Variants in PLEKHG1 observed in about 807,000 individuals in gnomAD.
The protein encoded by PLEKHG1 is pleckstrin homology and RhoGEF domain containing G1, also known as pleckstrin homology domain-containing family G member 1.
PLEKHG1 carries 44 observed loss-of-function variants against 100.8 expected under a neutral mutation model. The ratio of observed to expected loss-of-function variants is 0.44; its 90% CI spans 0.34 to 0.56. The LOEUF (loss-of-function observed/expected upper bound fraction) is 0.56. Ranked by LOEUF, PLEKHG1 falls within the 20% of genes least tolerant of loss-of-function variation. The pLI is 0.01. For synonymous variants in PLEKHG1, 640 were observed against 662.5 expected (o/e 0.97, Z 0.52); for missense variants, 1,545 against 1,720.9 (o/e 0.90, Z 1.81).
chr6:150,704,701 A>C (rs1217374768), intron 3 of PLEKHG1, among the ~76,000 whole-genome samples: 1 of 152,252 alleles, frequency 6.6e-6, no homozygotes, highest in Non-Finnish European at 1.5e-5. Flanking sequence ...AATCTTGCTG[A>C]TGATGATTGT....
At chr6:150,663,605 G>T (rs113397083) in intron 3 of PLEKHG1, 1 of 148,120 alleles carries the variant, frequency 6.8e-6, no homozygotes, top group South Asian at 2.2e-4. Flanking sequence ...CCAGGCTGGA[G>T]TACAGTGGCA....
chr6:150,618,924 T>A lies in PLEKHG1; in HGVS notation c.-204+18907T>A, dbSNP rs182503772. The stretch of plus-strand genomic sequence containing the variant: ...CAAGACCCTGTCTCTATAAAGAAAA[T>A]TTTTTTTAAATTATTTGGGCATGGT... On this transcript the variant is annotated intron_variant, in intron 1 of 3. Coordinates refer to the PLEKHG1 transcript ENST00000367326. 6.1e-4 allele frequency among the ~76,000 whole-genome samples: 92 copies of A among 151,858 alleles called. 1 individual carries two copies. The highest frequency in any genetic ancestry group is 6.3e-4 in the South Asian group (3 of 4,788).
intron 1 of PLEKHG1, among the ~76,000 whole-genome samples, chr6:150,619,502 T>C (rs1021663042): frequency 2.6e-5 from 4 of 152,202 alleles, no homozygotes; most frequent in African/African-American, 9.6e-5. Flanking sequence ...CAACTGGTCA[T>C]AGATGTTTTT....
At chr6:150,716,524 CT>C (rs1449925698), upstream of PLEKHG1, among the ~76,000 whole-genome samples, 1 of 152,236 alleles carries the variant, frequency 6.6e-6, no homozygotes, top group East Asian at 1.9e-4. Flanking sequence ...CCCTTTCCTT[CT>C]TCCTTGCCCA....
At chr6:150,813,559 A>G (rs986798884) in intron 10 of PLEKHG1, among the ~76,000 whole-genome samples, 1 of 152,138 alleles carries the variant, frequency 6.6e-6, no homozygotes, top group African/African-American at 2.4e-5. Context: ...ACGCAGTTGC[A>G]GTAATTGGGC....
intron 3 of PLEKHG1, among the ~76,000 whole-genome samples, chr6:150,699,730 A>G (rs1780690452): frequency 2.0e-5 from 3 of 152,356 alleles, no homozygotes. Context: ...AGTTTAAACA[A>G]TAATTCGGTG....
chr6:150,824,836 A>G (rs1416018658), intron 14 of PLEKHG1, among the ~76,000 whole-genome samples: 1 of 152,160 alleles, frequency 6.6e-6, no homozygotes, highest in Non-Finnish European at 1.5e-5. Flanking sequence ...GGCTGAACAT[A>G]ATCTTACCTT....
intron 4 of PLEKHG1, among the ~76,000 whole-genome samples, chr6:150,792,655 C>A (rs527908583): frequency 6.6e-6 from 1 of 151,370 alleles, no homozygotes; most frequent in Non-Finnish European, 1.5e-5. Flanking sequence ...GCCTAGGTGA[C>A]AGAGCAAGAC....
chr6:150,732,109 C>T (rs2128616846), intron 1 of PLEKHG1, among the ~76,000 whole-genome samples: 1 of 152,030 alleles, frequency 6.6e-6, no homozygotes. Context: ...CTACAGGCAC[C>T]CGCCACCACG....
Position 150,795,844 on chromosome 6 carries a change from G to A in PLEKHG1, c.583-12G>A, listed in dbSNP as rs1253479268. 2 of 1,575,796 alleles carry A rather than the reference G, an allele frequency of 1.3e-6. No individual in the cohort carries two copies. Among genetic ancestry groups the A allele is most frequent in the South Asian group, 1.1e-5 (1 of 88,916 alleles). On this transcript the variant is annotated splice_polypyrimidine_tract_variant and intron_variant, in intron 4 of 15. Coordinates refer to ENST00000358517, the Ensembl canonical transcript of PLEKHG1. ...TTTGTTGCCTATAAAAATTTCTTTT[G>A]TTTCCTTGCAGAGTGAAGAGTTCCA...
intron 11 of PLEKHG1, among the ~76,000 whole-genome samples, chr6:150,819,058 G>A (rs1306466085): frequency 4.6e-5 from 7 of 151,940 alleles, no homozygotes; most frequent in South Asian, 2.1e-4. Flanking sequence ...GCTCCCCAGC[G>A]GAGTGCTAGG....
At chr6:150,736,497 G>A (rs182590138) in intron 2 of PLEKHG1, among the ~76,000 whole-genome samples, 3 of 152,290 alleles carry the variant, frequency 2.0e-5, no homozygotes, top group South Asian at 2.1e-4. Context: ...GGCTGAATGC[G>A]GTGGCTTATG....
At chr6:150,720,451 T>TAC (rs1781618972), upstream of PLEKHG1, among the ~76,000 whole-genome samples, 1 of 152,216 alleles carries the variant, frequency 6.6e-6, no homozygotes, top group Non-Finnish European at 1.5e-5. Flanking sequence ...TGCATGTACA[T>TAC]ACCAATTTTA....
At chr6:150,608,947 G>A (rs886499494) in intron 1 of PLEKHG1, among the ~76,000 whole-genome samples, 1 of 152,026 alleles carries the variant, frequency 6.6e-6, no homozygotes, top group Non-Finnish European at 1.5e-5. Flanking sequence ...ATAAATAGTG[G>A]GTATCTTATT....
intron 3 of PLEKHG1, among the ~76,000 whole-genome samples, chr6:150,692,630 G>C (rs1290157379): frequency 6.6e-6 from 1 of 152,146 alleles, no homozygotes; most frequent in Non-Finnish European, 1.5e-5. Context: ...ATTACTAAAT[G>C]AATATCAGAG....
intron 2 of PLEKHG1, among the ~76,000 whole-genome samples, chr6:150,754,817 C>G (rs1783733650): frequency 6.6e-6 from 1 of 151,898 alleles, no homozygotes; most frequent in Admixed American, 6.6e-5. Context: ...TACAGGCATG[C>G]ACCACCACAC....
At chr6:150,797,052 G>A (rs904810291) in intron 5 of PLEKHG1, among the ~76,000 whole-genome samples, 8 of 151,808 alleles carry the variant, frequency 5.3e-5, no homozygotes, top group East Asian at 1.9e-4. Flanking sequence ...GTGCAGTGGC[G>A]CGATCTCAGC....
chr6:150,732,847 A>C (rs1430777461), intron 1 of PLEKHG1, among the ~76,000 whole-genome samples: 1 of 152,142 alleles, frequency 6.6e-6, no homozygotes, highest in East Asian at 1.9e-4. Context: ...CCAGCCTCCC[A>C]AAGTGCTGGG....
intron 13 of PLEKHG1, 55 bp from the exon 15 acceptor site, chr6:150,823,599 T>G (rs1776426988): frequency 8.4e-7 from 1 of 1,183,860 alleles, no homozygotes; most frequent in Admixed American, 1.8e-5. Context: ...AGTGCTTACT[T>G]ATATAGGAGG....
Sources: allele counts gnomAD v4.1 joint callset (sites outside exome capture counted in the v4.1 genomes callset), GRCh38; gene constraint gnomAD v4.1.1; transcripts MANE v1.5; gene names NCBI Gene and HGNC (gene_info 2026-07-23, HGNC 2026-07-21).